ZRANB3: variants seen among roughly 807,000 people sequenced by gnomAD.
ZRANB3 encodes the protein zinc finger RANBP2-type containing 3, also known as DNA annealing helicase and endonuclease ZRANB3.
Under a neutral mutation model 133.8 loss-of-function variants are expected in ZRANB3, and 125 were observed. The observed-to-expected ratio is 0.93, with a 90% CI of 0.81 to 1.08. ZRANB3 has a LOEUF of 1.08. Ranked by LOEUF, ZRANB3 falls within the 50% of genes least tolerant of loss-of-function variation. ZRANB3 has a pLI of 0.00. For synonymous variants in ZRANB3, 387 were observed against 432.7 expected (o/e 0.89, Z 1.31); for missense variants, 1,229 against 1,275.5 (o/e 0.96, Z 0.56).
chr2:135,414,631 C>A (rs144619846), intron 2 of ZRANB3, among the ~76,000 whole-genome samples: 232 of 152,278 alleles, frequency 1.5e-3, no homozygotes, highest in African/African-American at 5.4e-3. Flanking sequence ...AACTCTCCAT[C>A]CCAAATCAAC....
Position 135,328,524 on chromosome 2 carries a change from C to T in ZRANB3, c.678-12994G>A, listed in dbSNP as rs182322675. On this transcript the variant is annotated intron_variant, in intron 6 of 20. Transcript: ENST00000264159. ...TGTGAATAGTGCCACAATAAAGATACGTGTGCATGTGTCTTTATAGCAGCA... is the reference window on the plus strand; with the variant it reads ...TGTGAATAGTGCCACAATAAAGATATGTGTGCATGTGTCTTTATAGCAGCA... Among the ~76,000 whole-genome samples, 44 of 152,084 alleles carry T rather than the reference C, an allele frequency of 2.9e-4. No individual in the cohort carries two copies. In the South Asian group the frequency reaches 5.8e-3, roughly 20 times the overall value.
intron 2 of ZRANB3, among the ~76,000 whole-genome samples, chr2:135,425,356 T>C (rs573124815): frequency 6.6e-5 from 10 of 152,188 alleles, no homozygotes; most frequent in Non-Finnish European, 1.0e-4. Context: ...ACTTAATGTG[T>C]CTGAAAGTAT....
At chr2:135,311,355 AG>A (rs1682964180) in intron 8 of ZRANB3, among the ~76,000 whole-genome samples, 1 of 152,208 alleles carries the variant, frequency 6.6e-6, no homozygotes. Context: ...ATACAATGTC[AG>A]TAGAAATGCA....
chr2:135,364,853 A>G (rs1685855402), intron 3 of ZRANB3, among the ~76,000 whole-genome samples: 1 of 152,174 alleles, frequency 6.6e-6, no homozygotes, highest in Non-Finnish European at 1.5e-5. Flanking sequence ...GTTCGAGACC[A>G]GCCTGGCCAA....
intron 2 of ZRANB3, among the ~76,000 whole-genome samples, chr2:135,433,533 A>G (rs1689405170): frequency 6.6e-6 from 1 of 152,236 alleles, no homozygotes; most frequent in African/African-American, 2.4e-5. Context: ...TCAGATTCAA[A>G]AACACTAGAT....
At chr2:135,381,715 G>A (rs2104912749) in intron 3 of ZRANB3, among the ~76,000 whole-genome samples, 1 of 152,266 alleles carries the variant, frequency 6.6e-6, no homozygotes, top group Non-Finnish European at 1.5e-5. Flanking sequence ...AGACTCCGCT[G>A]GTGATACCCA....
At chr2:135,295,244 T>A (rs1024168690) in intron 8 of ZRANB3, among the ~76,000 whole-genome samples, 11 of 152,216 alleles carry the variant, frequency 7.2e-5, no homozygotes, top group Admixed American at 2.6e-4. Context: ...GGACTTGCTT[T>A]ATGAATCTGG....
At chr2:135,258,448 A>T (rs1295415684) in intron 12 of ZRANB3, among the ~76,000 whole-genome samples, 1 of 152,250 alleles carries the variant, frequency 6.6e-6, no homozygotes, top group African/African-American at 2.4e-5. Context: ...TCAATCTGTG[A>T]AGCGCAAAGC....
chr2:135,365,738 G>A (rs1419499707), intron 3 of ZRANB3, among the ~76,000 whole-genome samples: 1 of 152,142 alleles, frequency 6.6e-6, no homozygotes, highest in Non-Finnish European at 1.5e-5. Flanking sequence ...AGTTCAGTTG[G>A]AGATTTTATA....
Position 135,207,499 on chromosome 2 carries a change from C to T in ZRANB3, c.2944G>A (p.Ala982Thr), listed in dbSNP as rs752712381. 1 of 1,613,992 alleles carries T rather than the reference C, an allele frequency of 6.2e-7. No homozygotes were observed. Among genetic ancestry groups the T allele is most frequent in the Non-Finnish European group, 8.5e-7 (1 of 1,179,872 alleles). ...AGATTCTTCCTCTGACTTTTAGGGG[C>T]ATCTCTCAGACGTAAAAAGAGTTCT... ...AQELFLRLRD[A>T]PKSQRKNLLY... Residue 982 changes from alanine (A) to threonine (T), a missense_variant, in exon 19 of 21, where the codon GCC (alanine) becomes ACC (threonine). Coordinates refer to ENST00000264159, the MANE Select transcript of ZRANB3 (RefSeq NM_032143.4).
At chr2:135,261,562 C>G (rs1182188873) in intron 12 of ZRANB3, among the ~76,000 whole-genome samples, 3 of 152,152 alleles carry the variant, frequency 2.0e-5, no homozygotes, top group African/African-American at 7.2e-5. Flanking sequence ...CAACACTAAA[C>G]TATGAAAGAC....
chr2:135,216,419 G>C (rs1486951126), intron 17 of ZRANB3, among the ~76,000 whole-genome samples: 7 of 151,998 alleles, frequency 4.6e-5, no homozygotes. Flanking sequence ...GCTGCCATTT[G>C]GTTTATTGCT....
intron 1 of ZRANB3, among the ~76,000 whole-genome samples, chr2:135,507,179 C>T (rs769472117): frequency 3.3e-5 from 5 of 152,022 alleles, no homozygotes; most frequent in Non-Finnish European, 7.4e-5. Flanking sequence ...AAATGTGGAC[C>T]TAGAGTGATG....
At chr2:135,374,502 T>C (rs2104903548) in intron 3 of ZRANB3, among the ~76,000 whole-genome samples, 1 of 135,488 alleles carries the variant, frequency 7.4e-6, no homozygotes, top group African/African-American at 2.7e-5. Flanking sequence ...AAAACATATC[T>C]TTTTTTTTTT....
At chr2:135,371,846 G>A (rs1298912275) in intron 3 of ZRANB3, among the ~76,000 whole-genome samples, 1 of 152,064 alleles carries the variant, frequency 6.6e-6, no homozygotes, top group Non-Finnish European at 1.5e-5. Context: ...AAGTCATAAG[G>A]GTGGGGCCCT....
intron 2 of ZRANB3, among the ~76,000 whole-genome samples, chr2:135,477,466 C>G (rs1691554897): frequency 6.6e-6 from 1 of 152,172 alleles, no homozygotes; most frequent in Non-Finnish European, 1.5e-5. Flanking sequence ...GTAGCTGGAT[C>G]CTGCCTGCGG....
intron 2 of ZRANB3, among the ~76,000 whole-genome samples, chr2:135,406,042 T>A (rs1305597820): frequency 6.6e-6 from 1 of 152,102 alleles, no homozygotes; most frequent in African/African-American, 2.4e-5. Context: ...AGCTGGTTTT[T>A]TGAGAAGAAC....
chr2:135,423,258 C>A (rs1688938024), intron 2 of ZRANB3, among the ~76,000 whole-genome samples: 1 of 152,006 alleles, frequency 6.6e-6, no homozygotes, highest in Admixed American at 6.6e-5. Context: ...CATGGTGAAA[C>A]CCTGTCTTCT....
intron 2 of ZRANB3, among the ~76,000 whole-genome samples, chr2:135,410,642 T>C (rs1485340884): frequency 6.6e-6 from 1 of 151,990 alleles, no homozygotes; most frequent in Non-Finnish European, 1.5e-5. Flanking sequence ...ATATGGGACT[T>C]GCACAGCAAA....
Sources: allele counts gnomAD v4.1 joint callset (sites outside exome capture counted in the v4.1 genomes callset), GRCh38; gene constraint gnomAD v4.1.1; transcripts MANE v1.5; gene names NCBI Gene and HGNC (gene_info 2026-07-23, HGNC 2026-07-21).